Variants in ARPIN observed in about 807,000 individuals in gnomAD.
ARPIN encodes actin related protein 2/3 complex inhibitor.
ARPIN carries 23 observed loss-of-function variants against 25.9 expected under a neutral mutation model. The ratio of observed to expected loss-of-function variants is 0.89; its 90% confidence interval spans 0.64 to 1.26. ARPIN has a LOEUF of 1.26. ARPIN is among the 50% of genes most tolerant of loss of function. The probability of loss-of-function intolerance (pLI) is 0.00; values close to 1 mark genes in which losing one functional copy is unlikely to be tolerated. For synonymous variants in ARPIN, 126 were observed against 131.4 expected (o/e 0.96, Z 0.28); for missense variants, 333 against 312.2 (o/e 1.07, Z -0.50).
At chr15:89,903,436 G>A in intron 4 of ARPIN, 57 bp from the exon 5 acceptor site, 2 of 1,606,030 alleles carry the variant, frequency 1.2e-6, no homozygotes, top group South Asian at 2.2e-5. Flanking sequence ...ACATAGTGAG[G>A]GCTGGGCCCA....
intron 3 of ARPIN, among the ~76,000 whole-genome samples, 180 bp downstream of exon 3, chr15:89,908,100 A>G (rs1308765483): frequency 6.6e-6 from 1 of 152,178 alleles, no homozygotes; most frequent in African/African-American, 2.4e-5. Flanking sequence ...GGGAACGGGG[A>G]TCCTCTGAGT....
chr15:89,912,527 C>T (rs1897243252), intron 1 of ARPIN: 2 of 1,304,338 alleles, frequency 1.5e-6, no homozygotes, highest in Non-Finnish European at 1.9e-6. Context: ...GGCGGACAGG[C>T]GGGGAGCTTT....
chr15:89,902,786 A>C (rs1897044018), intron 5 of ARPIN: 2 of 987,106 alleles, frequency 2.0e-6, no homozygotes, highest in Non-Finnish European at 2.5e-6. Context: ...TCATCAAAAG[A>C]AAAACCAGTA....
At chr15:89,912,427 T>C in intron 1 of ARPIN, 1 of 1,177,180 alleles carries the variant, frequency 8.5e-7, no homozygotes, top group Non-Finnish European at 1.1e-6. Flanking sequence ...AGTTTATAGT[T>C]ACGCGGGTGG....
Position 89,912,928 on chromosome 15 carries a change from ATT to A in ARPIN, c.-95_-94del. On this transcript the variant is annotated 5_prime_UTR_variant, in exon 1 of 6. Transcript: ENST00000357484. ...GCTGCAGGACGCGCGGGGACCCGCG[ATT>A]CCCAGCCGGCGGATCCGGGAATGGC... 1 of 1,386,180 alleles carries A rather than the reference ATT, an allele frequency of 7.2e-7. No individual in the cohort carries two copies. The highest frequency in any genetic ancestry group is 1.6e-5 in the African/African-American group (1 of 61,434). 85.9% of individuals were successfully genotyped at this position (1,386,180 alleles called of 1,614,324 possible).
At chr15:89,903,528 C>G (rs1897062458) in intron 4 of ARPIN, 149 bp from the exon 5 acceptor site, 13 of 1,419,226 alleles carry the variant, frequency 9.2e-6, no homozygotes, top group Non-Finnish European at 1.2e-5. Flanking sequence ...TGGGTGGGAC[C>G]CCCAAGGTAT....
chr15:89,912,663 T>TTTGGC, intron 1 of ARPIN, 81 bp downstream of exon 1: 6 of 871,046 alleles, frequency 6.9e-6, no homozygotes, highest in Non-Finnish European at 7.0e-6. Flanking sequence ...CCCACCCGCA[T>TTTGGC]CCCACCCCCC....
chr15:89,901,836 G>A, intron 5 of ARPIN, 33 bp from the exon 6 acceptor site: 3 of 1,613,056 alleles, frequency 1.9e-6, no homozygotes, highest in Admixed American at 1.7e-5. Context: ...GAGATGTGGA[G>A]ACAGCACATG....
At chr15:89,912,663 T>TTTGGCCCC in intron 1 of ARPIN, 81 bp downstream of exon 1, 5 of 871,056 alleles carry the variant, frequency 5.7e-6, no homozygotes, top group Non-Finnish European at 7.0e-6. Context: ...CCCACCCGCA[T>TTTGGCCCC]CCCACCCCCC....
At chr15:89,907,042 A>T (rs937963850) in intron 3 of ARPIN, among the ~76,000 whole-genome samples, 4 of 142,594 alleles carry the variant, frequency 2.8e-5, no homozygotes, top group Non-Finnish European at 6.1e-5. Flanking sequence ...CTAGAAGTAA[A>T]GTGGCCATCA....
chr15:89,905,613 C>T (rs1198098756), intron 3 of ARPIN, among the ~76,000 whole-genome samples: 4 of 152,124 alleles, frequency 2.6e-5, no homozygotes, highest in African/African-American at 7.2e-5. Flanking sequence ...CTAACTAACC[C>T]GTGGGCAGTG....
At position 89,901,292 on chromosome 15, in the gene ARPIN, A is replaced by C. The variant is rs1438816846; in HGVS notation, c.*503T>G. 5.9e-6 allele frequency: 1 copy of C among 168,630 alleles called. No individual in the cohort carries two copies. The highest frequency in any genetic ancestry group is 1.8e-4 in the East Asian group (1 of 5,490). 10.4% of individuals were successfully genotyped at this position (168,630 alleles called of 1,614,324 possible). On this transcript the variant is annotated 3_prime_UTR_variant, in exon 6 of 6. Transcript: ENST00000357484. ...TGCATTTAGACAAGGGATATTCCCC[A>C]CTCCGCACCAATACCAGGTCCAGTT... is the stretch of plus-strand genomic sequence containing the variant.
rs762313157 is a variant in ARPIN at position 89,912,746 on chromosome 15, C to G, written c.90G>C (p.Gln30His). 2.6e-5 allele frequency: 39 copies of G among 1,472,192 alleles called. No individual in the cohort carries two copies. The East Asian group carries it at 9.5e-4, about 36-fold the overall frequency. The allele number at this position is 1,472,192 out of a possible 1,614,324, so 91.2% of individuals were successfully genotyped here. The change falls in exon 1 of 6, where the codon CAG becomes CAC. Residue 30 changes from glutamine to histidine, a missense_variant and splice_region_variant. Coordinates refer to ENST00000357484, the MANE Select transcript of ARPIN (RefSeq NM_182616.4). The part of the protein sequence containing the change: ...LPGAWDPAAH[Q>H]GGNGVLLEGE... ...CGAGGCCGTGAGCCCAGGCCTACCC[C>G]TGGTGGGCGGCGGGGTCCCAGGCCC...
Position 89,899,840 on chromosome 15 carries a change from AG to A in ARPIN, c.*1954del, listed in dbSNP as rs1896990220. 6.6e-6 allele frequency: 1 copy of A among 152,402 alleles called. No homozygotes were observed. The highest frequency in any genetic ancestry group is 2.1e-4 in the South Asian group (1 of 4,836). 9.4% of individuals were successfully genotyped at this position (152,402 alleles called of 1,614,324 possible). On this transcript the variant is annotated 3_prime_UTR_variant, in exon 6 of 6. Transcript: ENST00000357484. ...AGTCCCCAATTCCTTAACATGCGTG[AG>A]GATGCCATGCCCAATCTCCAGCCTC...
intron 3 of ARPIN, among the ~76,000 whole-genome samples, chr15:89,906,143 T>G (rs1897116688): frequency 6.6e-6 from 1 of 152,138 alleles, no homozygotes; most frequent in Non-Finnish European, 1.5e-5. Context: ...AATCCTGGCC[T>G]TCTTATCTCT....
chr15:89,899,482 C>CT lies in ARPIN; in HGVS notation c.*2312dup, dbSNP rs1305190496. 1.3e-5 allele frequency: 2 copies of CT among 152,384 alleles called. No homozygotes were observed. The highest frequency in any genetic ancestry group is 3.9e-4 in the East Asian group (2 of 5,178). 9.4% of individuals were successfully genotyped at this position (152,384 alleles called of 1,614,324 possible). On this transcript the variant is annotated 3_prime_UTR_variant, in exon 6 of 6. Transcript: ENST00000357484. The stretch of plus-strand genomic sequence containing the variant: ...TTCTTAGCCACAGGCTGGGCTCCTG[C>CT]TAAACAGCAGGTCACCCGGAAACAT...
intron 3 of ARPIN, among the ~76,000 whole-genome samples, chr15:89,905,223 T>C (rs1477226370): frequency 6.6e-6 from 1 of 152,172 alleles, no homozygotes; most frequent in Non-Finnish European, 1.5e-5. Context: ...GGTTTCACCA[T>C]GTTGGCCAGG....
Position 89,910,813 on chromosome 15 carries a change from A to G in ARPIN, c.99T>C (p.Asn33=). Residue 33 remains asparagine (N), a synonymous_variant, in exon 2 of 6, where the codon AAT becomes AAC. Coordinates refer to ENST00000357484, the MANE Select transcript of ARPIN (RefSeq NM_182616.4). ...TCAGTTCTCCCTCCAGCAGGACACC[A>G]TTTCCCCTGGGGATGAAAGGGAAAG... ...AWDPAAHQGG[N]GVLLEGELID... The G allele has an allele frequency of 6.2e-7, 1 of 1,614,042 alleles. No homozygotes were observed. The highest frequency in any genetic ancestry group is 8.5e-7 in the Non-Finnish European group (1 of 1,179,960).
rs761406771 is a variant in ARPIN, at chr15:89,908,408, C to T, written c.173G>A (p.Arg58His). The T allele has an allele frequency of 1.1e-5, 18 of 1,613,866 alleles. No individual in the cohort carries two copies. Among genetic ancestry groups the T allele is most frequent in the Admixed American group, 5.0e-5 (3 of 59,986 alleles). ...GGGCCGGATATACAGCACGTAGTAG[C>T]GCTCCTGGGGCCAGGCAGACAGAGA... ...SILDTHGRKE[R>H]YYVLYIRPSH... The change falls in exon 3 of 6, where the codon CGC becomes CAC. Residue 58 changes from arginine (R) to histidine (H), a missense_variant. Physicochemically the swap from Arg to His is conservative, Grantham distance 29. Coordinates refer to ENST00000357484, the MANE Select transcript of ARPIN (RefSeq NM_182616.4).
Sources: gnomAD v4.1 joint callset for allele counts (sites outside exome capture counted in the v4.1 genomes callset) on GRCh38, gnomAD v4.1.1 for gene constraint, MANE v1.5 for transcripts, NCBI Gene and HGNC (gene_info 2026-07-23, HGNC 2026-07-21) for gene names.